The following CDH12 variants were observed in gnomAD, a reference collection of about 807,000 sequenced individuals.
The protein encoded by CDH12 is cadherin 12, also known as cadherin-12.
In CDH12, 41 loss-of-function variants were observed where a neutral mutation model predicts 74.1. The observed-to-expected ratio is 0.55, with a 90% CI of 0.43 to 0.72. The LOEUF is 0.72. CDH12 is among the 30% of genes least tolerant of loss of function. CDH12 has a pLI of 0.00. For synonymous variants in CDH12, 399 were observed against 355.0 expected, an observed-to-expected ratio of 1.12 and a Z score of -1.39; for missense variants, 945 against 977.2, an observed-to-expected ratio of 0.97 and a Z score of 0.44.
At chr5:22,760,354 T>C (rs1226713518) in intron 1 of CDH12, among the ~76,000 whole-genome samples, 1 of 152,162 alleles carries the variant, frequency 6.6e-6, no homozygotes, top group Non-Finnish European at 1.5e-5. Flanking sequence ...AAACAATTCC[T>C]AACAAATAGC....
chr5:22,013,361 C>T (rs1184411919), intron 5 of CDH12, among the ~76,000 whole-genome samples: 1 of 152,184 alleles, frequency 6.6e-6, no homozygotes, highest in African/African-American at 2.4e-5. Context: ...ATTCAATTAC[C>T]TCCACCAGGT....
intron 3 of CDH12, among the ~76,000 whole-genome samples, chr5:22,384,229 G>A (rs920770002): frequency 1.3e-5 from 2 of 151,896 alleles, no homozygotes; most frequent in African/African-American, 4.8e-5. Context: ...ATGTCCATAA[G>A]AAAAGAAAAT....
intron 1 of CDH12, among the ~76,000 whole-genome samples, chr5:22,595,555 A>G (rs1736563209): frequency 6.6e-6 from 1 of 152,134 alleles, no homozygotes; most frequent in Non-Finnish European, 1.5e-5. Flanking sequence ...TTTCATATTC[A>G]CTGTAAATTT....
chr5:22,551,078 A>C (rs1447060464), intron 1 of CDH12, among the ~76,000 whole-genome samples: 1 of 152,170 alleles, frequency 6.6e-6, no homozygotes, highest in East Asian at 1.9e-4. Flanking sequence ...TTTCCTTGGA[A>C]TCTTGTCAGA....
At chr5:22,093,415 T>A (rs973925023) in intron 4 of CDH12, among the ~76,000 whole-genome samples, 2 of 152,160 alleles carry the variant, frequency 1.3e-5, no homozygotes, top group Non-Finnish European at 2.9e-5. Context: ...CATAACACCA[T>A]GCAATTGATT....
At chr5:22,013,766 A>G (rs1410756931) in intron 5 of CDH12, among the ~76,000 whole-genome samples, 1 of 152,194 alleles carries the variant, frequency 6.6e-6, no homozygotes, top group African/African-American at 2.4e-5. Context: ...TTAGATATAA[A>G]TGACATATGG....
At chr5:22,568,643 T>C (rs150919927) in intron 1 of CDH12, among the ~76,000 whole-genome samples, 1 of 152,220 alleles carries the variant, frequency 6.6e-6, no homozygotes, top group African/African-American at 2.4e-5. Context: ...AAACACTGGG[T>C]CTTGGTAAAC....
chr5:22,153,903 T>TAC (rs773341844), intron 4 of CDH12, among the ~76,000 whole-genome samples: 2,992 of 111,126 alleles, frequency 0.027, 122 homozygotes, highest in African/African-American at 0.085. Context: ...TATATATATA[T>TAC]ACACACACAT....
intron 6 of CDH12, among the ~76,000 whole-genome samples, chr5:21,960,542 C>A (rs191393606): frequency 6.6e-6 from 1 of 152,194 alleles, no homozygotes; most frequent in East Asian, 1.9e-4. Context: ...ATTCTATGGA[C>A]CAATTACCGT....
At chr5:22,569,244 G>A (rs570747059) in intron 1 of CDH12, among the ~76,000 whole-genome samples, 2 of 152,164 alleles carry the variant, frequency 1.3e-5, no homozygotes, top group African/African-American at 4.8e-5. Flanking sequence ...GGTGAAGGGG[G>A]TGGATCCATC....
intron 5 of CDH12, among the ~76,000 whole-genome samples, chr5:22,022,736 T>G (rs2150163188): frequency 6.6e-6 from 1 of 152,288 alleles, no homozygotes; most frequent in South Asian, 2.1e-4. Flanking sequence ...TCACCCTATA[T>G]AACTTTGATT....
chr5:22,287,667 G>A (rs1161976446), intron 3 of CDH12, among the ~76,000 whole-genome samples: 2 of 148,058 alleles, frequency 1.4e-5, no homozygotes, highest in African/African-American at 2.5e-5. Context: ...AGCTTGCAGT[G>A]AGCCGAGATT....
At chr5:22,681,826 T>C (rs538061953) in intron 1 of CDH12, among the ~76,000 whole-genome samples, 10 of 152,238 alleles carry the variant, frequency 6.6e-5, no homozygotes, top group Admixed American at 3.3e-4. Flanking sequence ...TGTTTGTTTT[T>C]GTTGAATTTT....
At chr5:22,502,449 C>A (rs1033569688) in intron 2 of CDH12, among the ~76,000 whole-genome samples, 4 of 151,848 alleles carry the variant, frequency 2.6e-5, no homozygotes, top group African/African-American at 9.7e-5. Flanking sequence ...TTATTAGCAG[C>A]GTGAGAACAC....
intron 8 of CDH12, among the ~76,000 whole-genome samples, chr5:21,821,222 C>T (rs1478601929): frequency 6.6e-6 from 1 of 150,962 alleles, no homozygotes; most frequent in African/African-American, 2.4e-5. Flanking sequence ...ACATGCATTG[C>T]TACTTTAAAA....
intron 3 of CDH12, among the ~76,000 whole-genome samples, chr5:22,335,330 T>C (rs533589661): frequency 1.3e-5 from 2 of 152,046 alleles, no homozygotes; most frequent in Non-Finnish European, 2.9e-5. Context: ...ATGGGTCTCA[T>C]GAGATCTGAT....
intron 1 of CDH12, among the ~76,000 whole-genome samples, chr5:22,562,312 G>A (rs1034370849): frequency 6.6e-6 from 1 of 150,546 alleles, no homozygotes; most frequent in African/African-American, 2.4e-5. Context: ...GCGAGACTCC[G>A]TCTCAAAAAC....
chr5:21,873,874 G>GGTATTTGGTTTTCTGCTCATGC (rs146258055), intron 6 of CDH12, among the ~76,000 whole-genome samples: 1 of 151,506 alleles, frequency 6.6e-6, no homozygotes, highest in South Asian at 2.1e-4. Flanking sequence ...GAGAACATGC[G>GGTATTTGGTTTTCTGCTCATGC]GTTACTTTTC....
At chr5:22,531,451 T>C (rs762553787) in intron 1 of CDH12, among the ~76,000 whole-genome samples, 2 of 152,288 alleles carry the variant, frequency 1.3e-5, no homozygotes, top group Admixed American at 1.3e-4. Flanking sequence ...ATGTGTATTG[T>C]AGCTACCACA....
Sources: gnomAD v4.1 joint callset for allele counts (sites outside exome capture counted in the v4.1 genomes callset) on GRCh38, gnomAD v4.1.1 for gene constraint, MANE v1.5 for transcripts, NCBI Gene and HGNC (gene_info 2026-07-23, HGNC 2026-07-21) for gene names.